Variants in C6orf52 observed in about 807,000 individuals in gnomAD.
C6orf52 encodes the protein putative uncharacterized protein C6orf52.
C6orf52 carries 16 observed loss-of-function variants against 16.6 expected under a neutral mutation model. The ratio of observed to expected loss-of-function variants is 0.96; its 90% confidence interval spans 0.65 to 1.46. The LOEUF is 1.46. Among genes scored for constraint, C6orf52 ranks in the 40% most tolerant of loss-of-function variants. The pLI, the probability that C6orf52 is intolerant of heterozygous loss-of-function variation, is 0.00. For missense variants in C6orf52, 166 were observed against 182.3 expected, an observed-to-expected ratio of 0.91 and a Z score of 0.52; for synonymous variants, 53 against 61.4, an observed-to-expected ratio of 0.86 and a Z score of 0.64.
At chr6:10,676,195 A>T (rs574574849) in intron 4 of C6orf52, among the ~76,000 whole-genome samples, 4 of 152,312 alleles carry the variant, frequency 2.6e-5, no homozygotes, top group African/African-American at 9.6e-5. Flanking sequence ...GTACCCCCAA[A>T]AACTATTGAA....
intron 4 of C6orf52, among the ~76,000 whole-genome samples, chr6:10,678,403 A>G (rs1168839907): frequency 6.6e-6 from 1 of 152,250 alleles, no homozygotes; most frequent in South Asian, 2.1e-4. Context: ...GCTATTGTAC[A>G]TGGGATTATT....
chr6:10,678,012 T>C (rs1254561960), intron 4 of C6orf52, among the ~76,000 whole-genome samples: 1 of 151,718 alleles, frequency 6.6e-6, no homozygotes, highest in Non-Finnish European at 1.5e-5. Flanking sequence ...GCCCCATCTC[T>C]ACTAAAAATA....
At chr6:10,682,173 A>T (rs1768453418) in intron 4 of C6orf52, among the ~76,000 whole-genome samples, 1 of 152,202 alleles carries the variant, frequency 6.6e-6, no homozygotes, top group South Asian at 2.1e-4. Context: ...ATGTATCCAC[A>T]TGCCTAATTT....
intron 3 of C6orf52, 100 bp from the exon 4 acceptor site, chr6:10,683,332 C>A: frequency 1.5e-6 from 1 of 671,952 alleles, no homozygotes; most frequent in Non-Finnish European, 2.5e-6. Context: ...AAAAAACTAC[C>A]TAAAATAAAA....
chr6:10,692,157 G>C (rs1455559081), intron 1 of C6orf52, among the ~76,000 whole-genome samples: 1 of 152,186 alleles, frequency 6.6e-6, no homozygotes, highest in Non-Finnish European at 1.5e-5. Flanking sequence ...GAAAGTTTTA[G>C]CGGTTTTTAA....
At chr6:10,672,382 T>C (rs1484956927) in intron 4 of C6orf52, among the ~76,000 whole-genome samples, 2 of 152,188 alleles carry the variant, frequency 1.3e-5, no homozygotes, top group Non-Finnish European at 2.9e-5. Context: ...GACTAAATCT[T>C]TGCCCCACAA....
At chr6:10,672,097 G>A (rs573510766) in intron 4 of C6orf52, among the ~76,000 whole-genome samples, 10 of 152,246 alleles carry the variant, frequency 6.6e-5, no homozygotes, top group South Asian at 2.1e-4. Flanking sequence ...TTCCATCTCC[G>A]AACCCTGGAA....
Position 10,687,513 on chromosome 6 carries a change from G to T in C6orf52, c.38C>A (p.Ala13Asp), listed in dbSNP as rs7749306. The change falls in exon 2 of 5, where the codon GCT becomes GAT. Residue 13 changes from alanine (A) to aspartate (D), a missense_variant. By Grantham distance (126) the Ala-to-Asp change is moderately radical. Coordinates refer to ENST00000259983, the MANE Select transcript of C6orf52 (RefSeq NM_001145020.3). The stretch of plus-strand genomic sequence containing the variant: ...GTAGCAGTAATAGTTATTTTGTTGA[G>T]CTATGCCAAAATCTGCAGAACTCTC... ...QPESSADFGI[A>D]QQNNYYCYWQ... The T allele has an allele frequency of 0.057, 87,977 of 1,550,074 alleles. 17,460 individuals carry two copies. The African/African-American group carries it at 0.66, about 12-fold the overall frequency.
intron 1 of C6orf52, among the ~76,000 whole-genome samples, chr6:10,692,013 A>T (rs1357710677): frequency 6.6e-6 from 1 of 152,222 alleles, no homozygotes; most frequent in Non-Finnish European, 1.5e-5. Context: ...TATGGTGATA[A>T]GCTAAAATTT....
chr6:10,690,711 A>G (rs1233053465), intron 1 of C6orf52, among the ~76,000 whole-genome samples: 2 of 152,242 alleles, frequency 1.3e-5, no homozygotes, highest in Admixed American at 1.3e-4. Flanking sequence ...AACCTTTTCA[A>G]TCAATAATTT....
At chr6:10,678,576 C>G (rs1303583542) in intron 4 of C6orf52, among the ~76,000 whole-genome samples, 1 of 152,168 alleles carries the variant, frequency 6.6e-6, no homozygotes, top group Non-Finnish European at 1.5e-5. Flanking sequence ...GGTTTAGTTC[C>G]TAACCACTGC....
intron 4 of C6orf52, among the ~76,000 whole-genome samples, chr6:10,672,972 T>C (rs899787164): frequency 1.3e-5 from 2 of 152,240 alleles, no homozygotes; most frequent in Non-Finnish European, 2.9e-5. Context: ...ATAAATTCCA[T>C]GAGCTACTTC....
chr6:10,682,921 G>C (rs888027325), intron 4 of C6orf52, among the ~76,000 whole-genome samples: 18 of 152,162 alleles, frequency 1.2e-4, no homozygotes, highest in Admixed American at 1.0e-3. Flanking sequence ...AGAGGAAATG[G>C]AGCTTAAGAA....
chr6:10,678,097 T>C (rs1443785361), intron 4 of C6orf52, among the ~76,000 whole-genome samples: 2 of 150,316 alleles, frequency 1.3e-5, no homozygotes, highest in Non-Finnish European at 2.9e-5. Flanking sequence ...GGCAGGAGAA[T>C]TGCTTGAACC....
chr6:10,693,847 G>C (rs1047407309), intron 1 of C6orf52, among the ~76,000 whole-genome samples: 1 of 152,158 alleles, frequency 6.6e-6, no homozygotes, highest in Non-Finnish European at 1.5e-5. Flanking sequence ...TCCCACCTCA[G>C]CCTTCCGAGT....
intron 1 of C6orf52, among the ~76,000 whole-genome samples, chr6:10,692,720 C>A (rs1488964950): frequency 6.6e-6 from 1 of 152,040 alleles, no homozygotes; most frequent in African/African-American, 2.4e-5. Context: ...CTGCGTCTGG[C>A]CATTTTATTT....
chr6:10,680,118 G>A (rs748298842), intron 4 of C6orf52, among the ~76,000 whole-genome samples: 2 of 152,086 alleles, frequency 1.3e-5, no homozygotes, highest in Admixed American at 1.3e-4. Flanking sequence ...GCTGGGCATG[G>A]TGTCATGCAC....
chr6:10,679,569 A>T (rs1305800185), intron 4 of C6orf52, among the ~76,000 whole-genome samples: 15 of 125,424 alleles, frequency 1.2e-4, no homozygotes, highest in African/African-American at 5.6e-4. Flanking sequence ...CTAACTTGTT[A>T]AAAAAAAAAA....
At chr6:10,685,856 C>G (rs1276765376) in intron 3 of C6orf52, among the ~76,000 whole-genome samples, 1 of 152,206 alleles carries the variant, frequency 6.6e-6, no homozygotes, top group Non-Finnish European at 1.5e-5. Context: ...AGTGTAAATT[C>G]ATGCAGACTT....
Sources: allele counts gnomAD v4.1 joint callset (sites outside exome capture counted in the v4.1 genomes callset), GRCh38; gene constraint gnomAD v4.1.1; transcripts MANE v1.5; gene names NCBI Gene and HGNC (gene_info 2026-07-23, HGNC 2026-07-21).